The following CLSTN3 variants were observed in gnomAD, a reference collection of about 807,000 sequenced individuals.
CLSTN3 encodes the protein calsyntenin 3, also known as calsyntenin-3.
CLSTN3 carries 36 observed loss-of-function variants against 95.9 expected under a neutral mutation model. That is an observed-to-expected ratio of 0.38 (90% CI 0.29 to 0.50). CLSTN3 has a LOEUF of 0.50. Among genes scored for constraint, CLSTN3 ranks in the 20% least tolerant of loss-of-function variants. CLSTN3 has a pLI of 0.95. For missense variants in CLSTN3, 1,084 were observed against 1,268.8 expected, an observed-to-expected ratio of 0.85 and a Z score of 2.21; for synonymous variants, 481 against 504.0, an observed-to-expected ratio of 0.95 and a Z score of 0.61.
rs371208985 is a variant in CLSTN3, at chr12:7,149,701, G to A, written c.2245+8G>A. The A allele has an allele frequency of 6.2e-7, 1 of 1,609,726 alleles. No individual in the cohort carries two copies. Among genetic ancestry groups the A allele is most frequent in the South Asian group, 1.1e-5 (1 of 90,398 alleles). Reference sequence around the variant, plus strand: ...CCTACCTCACTATTGCTGGTCAGTGGGGCCTGAGGGCCTGTCCTCTGTGTG... The same window carrying A: ...CCTACCTCACTATTGCTGGTCAGTGAGGCCTGAGGGCCTGTCCTCTGTGTG... On this transcript the variant is annotated splice_region_variant and intron_variant, in intron 14 of 17. Transcript: ENST00000266546. This position sits in a 1 kb window ranked among gnomAD's most constrained non-coding sequence, Gnocchi z 4.5.
intron 1 of CLSTN3, chr12:7,131,096 A>C (rs1939291145): frequency 2.6e-6 from 1 of 384,028 alleles, no homozygotes; most frequent in South Asian, 2.4e-5. Context: ...TCACTGGCGC[A>C]TGCTAAGGGT....
intron 12 of CLSTN3, among the ~76,000 whole-genome samples, chr12:7,145,550 G>A (rs1939610212): frequency 6.6e-6 from 1 of 151,312 alleles, no homozygotes; most frequent in South Asian, 2.1e-4. Flanking sequence ...CTAAATGCAA[G>A]TTTTCCTGAA....
upstream of CLSTN3, chr12:7,130,302 G>GT (rs1470414003): frequency 1.3e-4 from 123 of 917,028 alleles, no homozygotes; most frequent in East Asian, 1.3e-3. Context: ...GCAGCACCTG[G>GT]TCCCCCCCCC....
intron 8 of CLSTN3, among the ~76,000 whole-genome samples, chr12:7,140,529 C>T (rs1939507525): frequency 6.6e-6 from 1 of 152,058 alleles, no homozygotes; most frequent in South Asian, 2.1e-4. Flanking sequence ...AGGCAGAGTA[C>T]TCTCTGCCCC....
chr12:7,137,028 G>A lies in CLSTN3; in HGVS notation c.1128G>A (p.Leu376=). 3.7e-6 allele frequency: 6 copies of A among 1,614,204 alleles called. No homozygotes were observed. Among genetic ancestry groups the A allele is most frequent in the Non-Finnish European group, 5.1e-6 (6 of 1,180,044 alleles). Residue 376 remains leucine (L), a synonymous_variant, in exon 7 of 18, where the codon CTG becomes CTA. Transcript: ENST00000266546. The surrounding 1 kb of genome is among the most constrained non-coding windows in gnomAD (Gnocchi z 4.4). ...PQDSLSDHFT[L]SFWMKHGVTP... ...ACAGCCTCAGTGACCACTTCACCCT[G>A]TCCTTCTGGATGAAGCATGGCGTAA...
rs375311499 is a variant in CLSTN3 at position 7,137,943 on chromosome 12, C to T, written c.1211-12C>T. On this transcript the variant is annotated splice_polypyrimidine_tract_variant and intron_variant, in intron 7 of 17. Transcript: ENST00000266546. This position sits in a 1 kb window ranked among gnomAD's most constrained non-coding sequence, Gnocchi z 4.4. ...CTCTGCACTTGACCCCATCCCCTTC[C>T]TGTGCCCTCAGAGGACGGCTTCTCT... 10 of 1,609,056 alleles carry T rather than the reference C, an allele frequency of 6.2e-6. No individual in the cohort carries two copies. The African/African-American group carries it at 1.3e-4, about 21-fold the overall frequency.
In CLSTN3 at chr12:7,157,991, G is replaced by A; in HGVS notation, c.2781G>A (p.Gln927=). The change falls in exon 18 of 18, where the codon CAG becomes CAA. Residue 927 remains glutamine (Q), a synonymous_variant. Coordinates refer to ENST00000266546, the MANE Select transcript of CLSTN3 (RefSeq NM_014718.4). This position sits in a 1 kb window ranked among gnomAD's most constrained non-coding sequence, Gnocchi z 5.9. ...TGACGGGGGCTGTTGGGGGCCAGCAGGAGGATGAGGACAGCAGTGACTCGG... is the reference window on the plus strand; with the variant it reads ...TGACGGGGGCTGTTGGGGGCCAGCAAGAGGATGAGGACAGCAGTGACTCGG... ...SCVTGAVGGQ[Q]EDEDSSDSEV... 1 of 1,551,388 alleles carries A rather than the reference G, an allele frequency of 6.4e-7. No homozygotes were observed. The highest frequency in any genetic ancestry group is 8.7e-7 in the Non-Finnish European group (1 of 1,146,964).
Position 7,133,542 on chromosome 12 carries a change from G to A in CLSTN3, c.188-31G>A, listed in dbSNP as rs753394177. On this transcript the variant is annotated intron_variant, in intron 2 of 17. Coordinates refer to ENST00000266546, the MANE Select transcript of CLSTN3 (RefSeq NM_014718.4). This position sits in a 1 kb window ranked among gnomAD's most constrained non-coding sequence, Gnocchi z 4.7. The stretch of plus-strand genomic sequence containing the variant: ...TGAGGGTGGGGAAGGAGACACAGCA[G>A]CCTCACTCCTCCCCTTCTCCCCTTT... The A allele has an allele frequency of 3.7e-5, 59 of 1,607,922 alleles. No individual in the cohort carries two copies. Among genetic ancestry groups the A allele is most frequent in the Middle Eastern group, 3.8e-4 (2 of 5,328 alleles).
rs1221537424 is a variant in CLSTN3 at position 7,150,963 on chromosome 12, C to A, written c.2427C>A (p.His809Gln). The A allele has an allele frequency of 2.5e-6, 4 of 1,611,940 alleles. No homozygotes were observed. The highest frequency in any genetic ancestry group is 2.2e-5 in the South Asian group (2 of 90,798). ...TGCACAGCATGAACCGGGTTGCCCA[C>A]CCCAGCCACGTGCTCAGCTCCCAGC... ...NVLHSMNRVAHPSHVLSSQQF... is the reference protein window; with the variant it reads ...NVLHSMNRVAQPSHVLSSQQF... Residue 809 changes from histidine (H) to glutamine (Q), a missense_variant, in exon 16 of 18, where the codon CAC becomes CAA. His to Gln is a conservative substitution (Grantham distance 24). Coordinates refer to ENST00000266546, the MANE Select transcript of CLSTN3 (RefSeq NM_014718.4). This position sits in a 1 kb window ranked among gnomAD's most constrained non-coding sequence, Gnocchi z 4.0.
In CLSTN3 at chr12:7,141,323, G is replaced by A. The variant is rs140338155; in HGVS notation, c.1405G>A (p.Asp469Asn). 5.6e-6 allele frequency: 9 copies of A among 1,613,980 alleles called. No homozygotes were observed. The highest frequency in any genetic ancestry group is 1.3e-5 in the African/African-American group (1 of 74,900). The change falls in exon 9 of 18, where the codon GAC becomes AAC. Residue 469 changes from aspartate (D) to asparagine (N), a missense_variant. Asp to Asn is a conservative substitution (Grantham distance 23). Coordinates refer to ENST00000266546, the MANE Select transcript of CLSTN3 (RefSeq NM_014718.4). The surrounding 1 kb of genome is among the most constrained non-coding windows in gnomAD (Gnocchi z 4.1). ...ACTCTATACCGACGGCATCTCCTTC[G>A]ACCCTGCCCTCATCCATGACAATGG... ...VTLYTDGISFDPALIHDNGLI... is the reference protein window; with the variant it reads ...VTLYTDGISFNPALIHDNGLI...
intron 12 of CLSTN3, among the ~76,000 whole-genome samples, chr12:7,144,443 AGTG>A (rs1295603902): frequency 6.6e-6 from 1 of 152,220 alleles, no homozygotes; most frequent in Admixed American, 6.5e-5. Flanking sequence ...AATGCTATAA[AGTG>A]GTGATAGCAA....
chr12:7,147,814 C>A (rs770435348), intron 12 of CLSTN3, among the ~76,000 whole-genome samples: 2 of 152,096 alleles, frequency 1.3e-5, no homozygotes. Context: ...TCATGCCCAG[C>A]CTGAGCTTTA....
rs200533858 is a variant in CLSTN3, at chr12:7,133,682, C to T, written c.297C>T (p.Cys99=). 3.1e-5 allele frequency: 50 copies of T among 1,613,976 alleles called. No individual in the cohort carries two copies. Among genetic ancestry groups the T allele is most frequent in the Admixed American group, 5.0e-5 (3 of 59,982 alleles). ...GLIRAKEPVD[C]EAQKEHTFTI... is the part of the protein sequence containing the mutation. ...TCCGGGCCAAGGAGCCTGTGGACTG[C>T]GAGGCCCAGAAGGAACACACCTTCA... is the stretch of plus-strand genomic sequence containing the variant. Residue 99 remains cysteine (C), a synonymous_variant, in exon 3 of 18, where the codon TGC becomes TGT. Coordinates refer to ENST00000266546, the MANE Select transcript of CLSTN3 (RefSeq NM_014718.4). This position sits in a 1 kb window ranked among gnomAD's most constrained non-coding sequence, Gnocchi z 4.7.
intron 1 of CLSTN3, chr12:7,131,748 TCCTAGCCTCCTG>T (rs779348045): frequency 6.6e-6 from 3 of 455,736 alleles, no homozygotes; most frequent in Non-Finnish European, 1.3e-5. Context: ...CAGCCTCGCC[TCCTAGCCTCCTG>T]CCACTTCCTG....
intron 1 of CLSTN3, among the ~76,000 whole-genome samples, chr12:7,131,590 C>G (rs1939302318): frequency 6.6e-6 from 1 of 151,988 alleles, no homozygotes; most frequent in Non-Finnish European, 1.5e-5. Context: ...TGAAAGGGAG[C>G]AAACGCAGAG....
chr12:7,142,996 G>T lies in CLSTN3; in HGVS notation c.1668G>T (p.Arg556Ser). The part of the protein sequence containing the change: ...LYACREGLDY[R>S]DFESLGKGMK... ...CATGTCGGGAGGGGCTGGACTATAG[G>T]GATTTCGAGAGCCTGGGCAAAGGCA... Residue 556 changes from arginine to serine, a missense_variant, in exon 11 of 18, where the codon AGG becomes AGT. Transcript: ENST00000266546. 1 of 1,614,072 alleles carries T rather than the reference G, an allele frequency of 6.2e-7. No homozygotes were observed. The highest frequency in any genetic ancestry group is 1.3e-5 in the African/African-American group (1 of 75,030).
At position 7,141,223 on chromosome 12, in the gene CLSTN3, C is replaced by T. The variant is rs775639634; in HGVS notation, c.1324-19C>T. 1.9e-6 allele frequency: 3 copies of T among 1,611,122 alleles called. No individual in the cohort carries two copies. The highest frequency in any genetic ancestry group is 2.2e-5 in the South Asian group (2 of 90,900). On this transcript the variant is annotated intron_variant, in intron 8 of 17. Transcript: ENST00000266546. The surrounding 1 kb of genome is among the most constrained non-coding windows in gnomAD (Gnocchi z 4.1). ...GACGAATTACCTGAGAGGCTCTTGC[C>T]CCTACCCTACTCTCCCAGGTCTGTG... is the stretch of plus-strand genomic sequence containing the variant.
chr12:7,148,584 A>G (rs113884767), intron 12 of CLSTN3, among the ~76,000 whole-genome samples: 10 of 152,332 alleles, frequency 6.6e-5, no homozygotes, highest in African/African-American at 2.2e-4. Context: ...GAGTCCATGT[A>G]CTTTTAAACT....
Position 7,150,776 on chromosome 12 carries a change from C to G in CLSTN3, c.2391+87C>G, listed in dbSNP as rs1939710057. The G allele has an allele frequency of 6.4e-7, 1 of 1,574,528 alleles. No individual in the cohort carries two copies. The highest frequency in any genetic ancestry group is 8.7e-7 in the Non-Finnish European group (1 of 1,152,998). ...TGGACTCAAAATGTTAGTTGGTGGG[C>G]ATGGACATGGCAGCGTGGAGGGCTG... On this transcript the variant is annotated intron_variant, in intron 15 of 17. Coordinates refer to ENST00000266546, the MANE Select transcript of CLSTN3 (RefSeq NM_014718.4). This position sits in a 1 kb window ranked among gnomAD's most constrained non-coding sequence, Gnocchi z 4.0.
Sources: allele counts gnomAD v4.1 joint callset (sites outside exome capture counted in the v4.1 genomes callset), GRCh38; gene constraint gnomAD v4.1.1; non-coding constraint Gnocchi (gnomAD v3.1); transcripts MANE v1.5; gene names NCBI Gene and HGNC (gene_info 2026-07-23, HGNC 2026-07-21).